Variants in GRIK2 observed in about 807,000 individuals in gnomAD.
GRIK2 encodes glutamate receptor ionotropic, kainate 2.
GRIK2 carries 32 observed loss-of-function variants against 100.3 expected under a neutral mutation model. The observed-to-expected ratio is 0.32, with a 90% confidence interval of 0.24 to 0.43. GRIK2 has a LOEUF of 0.43. Ranked by LOEUF, GRIK2 falls within the 20% of genes least tolerant of loss-of-function variation. GRIK2 has a pLI of 1.00. For synonymous variants in GRIK2, 417 were observed against 389.4 expected, an observed-to-expected ratio of 1.07 and a Z score of -0.83; for missense variants, 843 against 1,114.9, an observed-to-expected ratio of 0.76 and a Z score of 3.47.
chr6:101,683,505 T>C (rs1198881893), intron 6 of GRIK2, among the ~76,000 whole-genome samples: 1 of 152,176 alleles, frequency 6.6e-6, no homozygotes, highest in Non-Finnish European at 1.5e-5. Context: ...CATTTTGTTA[T>C]CAATACATTA....
At chr6:101,990,089 A>G (rs1794274172) in intron 14 of GRIK2, among the ~76,000 whole-genome samples, 1 of 151,500 alleles carries the variant, frequency 6.6e-6, no homozygotes, top group Non-Finnish European at 1.5e-5. Flanking sequence ...ATTGCAGTAT[A>G]TTTTGTTCTG....
intron 1 of GRIK2, among the ~76,000 whole-genome samples, chr6:101,394,146 C>T (rs921645848): frequency 6.6e-6 from 1 of 152,128 alleles, no homozygotes; most frequent in Non-Finnish European, 1.5e-5. Context: ...GCCTCAGCTA[C>T]GGGGACTCAC....
At chr6:101,447,038 G>T (rs1770419630) in intron 2 of GRIK2, among the ~76,000 whole-genome samples, 1 of 147,286 alleles carries the variant, frequency 6.8e-6, no homozygotes, top group African/African-American at 2.5e-5. Context: ...TTTTATATGT[G>T]TGTATATATT....
chr6:101,934,954 C>T (rs1463418360), intron 14 of GRIK2, among the ~76,000 whole-genome samples: 1 of 151,840 alleles, frequency 6.6e-6, no homozygotes, highest in Non-Finnish European at 1.5e-5. Context: ...TTATCTAGAA[C>T]TTTTTTGAAT....
At chr6:101,867,638 A>G (rs1338424726) in intron 11 of GRIK2, among the ~76,000 whole-genome samples, 1 of 151,852 alleles carries the variant, frequency 6.6e-6, no homozygotes, top group Non-Finnish European at 1.5e-5. Flanking sequence ...GTTCTCAAAT[A>G]TAAATGACTA....
At chr6:101,472,830 A>G (rs953816156) in intron 2 of GRIK2, among the ~76,000 whole-genome samples, 6 of 151,832 alleles carry the variant, frequency 4.0e-5, no homozygotes, top group Admixed American at 1.3e-4. Context: ...AAGAAATGGT[A>G]TATATTCAGA....
intron 7 of GRIK2, among the ~76,000 whole-genome samples, chr6:101,797,325 G>A (rs777567472): frequency 2.5e-4 from 38 of 151,798 alleles, no homozygotes; most frequent in Non-Finnish European, 4.6e-4. Context: ...TCTTGTTTTT[G>A]TTGTTTATAT....
chr6:101,965,981 A>G (rs1317797659), intron 14 of GRIK2, among the ~76,000 whole-genome samples: 1 of 152,122 alleles, frequency 6.6e-6, no homozygotes, highest in Non-Finnish European at 1.5e-5. Context: ...TTTGTAATCC[A>G]CATTAGATAG....
rs201025895 is a variant in GRIK2 at position 101,626,609 on chromosome 6, C to A, written c.513C>A (p.Thr171=). Residue 171 remains threonine (T), a synonymous_variant, in exon 4 of 17, where the codon ACC becomes ACA. Transcript: ENST00000369134. The part of the protein sequence containing the change: ...LDLVQFFKWK[T]VTVVYDDSTG... The stretch of plus-strand genomic sequence containing the variant: ...TGGTGCAGTTTTTCAAGTGGAAAAC[C>A]GTCACGGTTGTGTATGATGACAGCA... 2 of 1,613,674 alleles carry A rather than the reference C, an allele frequency of 1.2e-6. No homozygotes were observed. The highest frequency in any genetic ancestry group is 1.7e-6 in the Non-Finnish European group (2 of 1,179,662).
rs188703963 is a variant in GRIK2, at chr6:102,063,696, C to A, written c.2563-4651C>A. ...ACATCAACAATGATATTCTTGAAAA[C>A]ATTTACCTGTGGACTATTTATGTAT... On this transcript the variant is annotated intron_variant, in intron 16 of 16. Transcript: ENST00000369134. 5.6e-3 allele frequency among the ~76,000 whole-genome samples: 839 copies of A among 149,382 alleles called. 8 individuals are homozygous for A. The highest frequency in any genetic ancestry group is 0.02 in the African/African-American group (803 of 40,982).
chr6:101,623,962 ATTG>A (rs1780306735), intron 3 of GRIK2, among the ~76,000 whole-genome samples: 1 of 152,092 alleles, frequency 6.6e-6, no homozygotes, highest in African/African-American at 2.4e-5. Context: ...TATTGATAAT[ATTG>A]TTAATGATTA....
In GRIK2 at chr6:102,060,004, A is replaced by AAT. The variant is rs770333337; in HGVS notation, c.2562+4438_2562+4439dup. 3.2e-3 allele frequency among the ~76,000 whole-genome samples: 475 copies of AAT among 149,498 alleles called. 2 individuals are homozygous for AAT. Among genetic ancestry groups the AAT allele is most frequent in the East Asian group, 0.014 (73 of 5,110 alleles). ...TTAAGTAAATATGTCTAAGAAATAA[A>AAT]ATATATATATATATAAATTATTGCT... is the stretch of plus-strand genomic sequence containing the variant. On this transcript the variant is annotated intron_variant, in intron 16 of 16. Coordinates refer to ENST00000369134, the MANE Select transcript of GRIK2 (RefSeq NM_021956.5).
At position 102,054,177 on chromosome 6, in the gene GRIK2, G is replaced by T. The variant is rs575114213; in HGVS notation, c.2312-1153G>T. Among the ~76,000 whole-genome samples the T allele has an allele frequency of 2.0e-5, 3 of 152,222 alleles. No homozygotes were observed. The South Asian group carries it at 6.2e-4, about 32-fold the overall frequency. On this transcript the variant is annotated intron_variant, in intron 15 of 16. Transcript: ENST00000369134. ...TTAAACAACTTTTCAGTTGAGTTTG[G>T]TAGATCTTCATTTGTCCAACTTTTT...
At chr6:102,010,031 T>G (rs574801333) in intron 14 of GRIK2, among the ~76,000 whole-genome samples, 1 of 152,098 alleles carries the variant, frequency 6.6e-6, no homozygotes, top group Non-Finnish European at 1.5e-5. Context: ...ATAAACTTTA[T>G]TTTAGAGCAT....
chr6:101,972,928 A>G (rs1793142520), intron 14 of GRIK2, among the ~76,000 whole-genome samples: 1 of 152,006 alleles, frequency 6.6e-6, no homozygotes, highest in East Asian at 1.9e-4. Context: ...TATCAGTACC[A>G]TGCTGTTTTG....
chr6:101,795,489 T>A (rs1233056201), intron 7 of GRIK2, among the ~76,000 whole-genome samples: 1 of 152,204 alleles, frequency 6.6e-6, no homozygotes, highest in East Asian at 1.9e-4. Context: ...GTTAGTGGGC[T>A]CAGGTGGGCC....
chr6:101,448,948 T>A (rs767619640), intron 2 of GRIK2, among the ~76,000 whole-genome samples: 1 of 151,558 alleles, frequency 6.6e-6, no homozygotes, highest in African/African-American at 2.4e-5. Flanking sequence ...CATTACATTA[T>A]TGTTCATGGG....
At chr6:101,717,775 A>AG (rs1774173308) in intron 7 of GRIK2, among the ~76,000 whole-genome samples, 1 of 151,788 alleles carries the variant, frequency 6.6e-6, no homozygotes, top group African/African-American at 2.4e-5. Flanking sequence ...ATGGCAACTG[A>AG]GATTCACAAT....
At chr6:101,983,895 A>T (rs527536240) in intron 14 of GRIK2, among the ~76,000 whole-genome samples, 10 of 151,828 alleles carry the variant, frequency 6.6e-5, no homozygotes, top group African/African-American at 2.4e-4. Context: ...CAAATTTGAG[A>T]ATCACCATAT....
Sources: allele counts gnomAD v4.1 joint callset (sites outside exome capture counted in the v4.1 genomes callset), GRCh38; gene constraint gnomAD v4.1.1; transcripts MANE v1.5; gene names NCBI Gene and HGNC (gene_info 2026-07-23, HGNC 2026-07-21).